NOS1: variants seen among roughly 807,000 people sequenced by gnomAD.
The protein encoded by NOS1 is NOS type I.
In NOS1, 51 loss-of-function variants were observed where a neutral mutation model predicts 164.5. The ratio of observed to expected loss-of-function variants is 0.31; its 90% CI spans 0.25 to 0.39. NOS1 has a LOEUF of 0.39. NOS1 is among the 10% of genes least tolerant of loss of function. The probability of loss-of-function intolerance (pLI) is 1.00; values close to 1 mark genes in which losing one functional copy is unlikely to be tolerated. For synonymous variants in NOS1, 719 were observed against 745.8 expected, an observed-to-expected ratio of 0.96 and a Z score of 0.59; for missense variants, 1,362 against 1,885.6, an observed-to-expected ratio of 0.72 and a Z score of 5.14.
intron 1 of NOS1, among the ~76,000 whole-genome samples, chr12:117,340,507 ATAGT>A (rs1376022871): frequency 1.3e-5 from 2 of 151,984 alleles, no homozygotes; most frequent in African/African-American, 2.4e-5. Context: ...CAAAGAGATA[ATAGT>A]TAATGTTTTC....
chr12:117,230,016 C>T (rs969693351), intron 22 of NOS1, among the ~76,000 whole-genome samples: 1 of 152,234 alleles, frequency 6.6e-6, no homozygotes, highest in African/African-American at 2.4e-5. Flanking sequence ...AACTCCTGGG[C>T]TCAAGTGATC....
chr12:117,218,841 T>C (rs560250316), intron 27 of NOS1, among the ~76,000 whole-genome samples: 10 of 152,144 alleles, frequency 6.6e-5, no homozygotes, highest in African/African-American at 2.4e-4. Context: ...GGCAAGAGGA[T>C]CAAACAAAGA....
At chr12:117,302,241 AC>A (rs1873861359) in intron 3 of NOS1, among the ~76,000 whole-genome samples, 1 of 152,126 alleles carries the variant, frequency 6.6e-6, no homozygotes, top group Non-Finnish European at 1.5e-5. Flanking sequence ...CATCCTCCCC[AC>A]AACTTGATGA....
chr12:117,263,718 G>A (rs935329130), intron 13 of NOS1, among the ~76,000 whole-genome samples, 171 bp downstream of exon 13: 12 of 151,770 alleles, frequency 7.9e-5, no homozygotes, highest in African/African-American at 2.7e-4. Flanking sequence ...GAGTTGGAAC[G>A]ACATTCACAG....
At chr12:117,321,925 C>T (rs1475526759) in intron 2 of NOS1, among the ~76,000 whole-genome samples, 9 of 149,578 alleles carry the variant, frequency 6.0e-5, no homozygotes, top group African/African-American at 2.0e-4. Context: ...TCCCTCCCTC[C>T]TTCCTTCCCT....
rs1872872446 is a variant in NOS1, at chr12:117,272,559, C to T, written c.1665G>A (p.Lys555=). The T allele has an allele frequency of 1.2e-6, 2 of 1,613,038 alleles. No individual in the cohort carries two copies. Among genetic ancestry groups the T allele is most frequent in the Admixed American group, 1.7e-5 (1 of 59,696 alleles). The change falls in exon 10 of 29, where the codon AAG becomes AAA. Residue 555 remains lysine (K), a splice_region_variant and synonymous_variant. Coordinates refer to ENST00000317775, the MANE Select transcript of NOS1 (RefSeq NM_000620.5). The surrounding 1 kb of genome is among the most constrained non-coding windows in gnomAD (Gnocchi z 4.3). ...GCCCCAGGTCCTTGAACCACTCAAA[C>T]CTGCAGGGAGCAACAGGGCCCAGCT... is the stretch of plus-strand genomic sequence containing the variant. The part of the protein sequence containing the change: ...LVLEVPIRHP[K]FEWFKDLGLK...
At position 117,337,105 on chromosome 12, in the gene NOS1, T is replaced by TA. The variant is rs1566082162; in HGVS notation, c.-420-5617_-420-5616insT. ...GCCACTGTACCCAGCTGCTTTTTAC[T>TA]CTTTTTTTTTTTTTTTTTTTTTTTT... On this transcript the variant is annotated intron_variant, in intron 1 of 28. Coordinates refer to ENST00000317775, the MANE Select transcript of NOS1 (RefSeq NM_000620.5). 5.6e-4 allele frequency among the ~76,000 whole-genome samples: 62 copies of TA among 110,852 alleles called. 5 individuals carry two copies. The highest frequency in any genetic ancestry group is 1.6e-3 in the South Asian group (5 of 3,062). 72.7% of individuals were successfully genotyped at this position (110,852 alleles called of 152,430 possible). A position where few individuals can be genotyped will look rare whatever the true frequency, so the allele number is the denominator to read the frequency against.
At position 117,211,700 on chromosome 12, in the gene NOS1, A is replaced by G; in HGVS notation, c.*3609T>C. On this transcript the variant is annotated 3_prime_UTR_variant, in exon 29 of 29. Coordinates refer to ENST00000317775, the MANE Select transcript of NOS1 (RefSeq NM_000620.5). The stretch of plus-strand genomic sequence containing the variant: ...CAACTCTTACCTTCCAGAAGCTACC[A>G]GTGAAATCCCGCCCATTTCTCAAAC... 1 of 985,504 alleles carries G rather than the reference A, an allele frequency of 1.0e-6. No homozygotes were observed. The highest frequency in any genetic ancestry group is 1.2e-6 in the Non-Finnish European group (1 of 830,016). The allele number at this position is 985,504 out of a possible 1,614,324, so 61.0% of individuals were successfully genotyped here.
intron 3 of NOS1, among the ~76,000 whole-genome samples, chr12:117,310,342 A>G (rs1874368455): frequency 6.6e-6 from 1 of 152,248 alleles, no homozygotes; most frequent in Admixed American, 6.5e-5. Context: ...AAATTACAGG[A>G]TGATCACAGA....
rs35484983 is a variant in NOS1 at position 117,356,504 on chromosome 12, T to A, written c.-421+5008A>T. 6.6e-6 allele frequency among the ~76,000 whole-genome samples: 1 copy of A among 152,134 alleles called. No individual in the cohort carries two copies. The highest frequency in any genetic ancestry group is 1.5e-5 in the Non-Finnish European group (1 of 68,028). On this transcript the variant is annotated intron_variant, in intron 1 of 28. Transcript: ENST00000317775. This position sits in a 1 kb window ranked among gnomAD's most constrained non-coding sequence, Gnocchi z 4.2. ...GAAACTTCACGCCAGGTACAGGGTT[T>A]GTCTGGTGCTCACCGCTTAGCCAGA...
intron 25 of NOS1, 100 bp downstream of exon 25, chr12:117,224,916 G>A (rs753895034): frequency 1.1e-5 from 16 of 1,497,354 alleles, no homozygotes; most frequent in East Asian, 4.5e-5. Context: ...CGGTGATGCC[G>A]TGGAGAGACA....
intron 5 of NOS1, 138 bp from the exon 6 acceptor site, chr12:117,286,404 G>A (rs1477321710): frequency 3.4e-6 from 3 of 873,798 alleles, no homozygotes; most frequent in Non-Finnish European, 5.3e-6. Context: ...TTTGATTTCT[G>A]GATGCAAGAT....
At position 117,323,285 on chromosome 12, in the gene NOS1, C is replaced by T. The variant is rs571421952; in HGVS notation, c.725+7060G>A. Among the ~76,000 whole-genome samples, 18 of 152,334 alleles carry T rather than the reference C, an allele frequency of 1.2e-4. No individual in the cohort carries two copies. In the East Asian group the frequency reaches 3.1e-3, roughly 26 times the overall value. On this transcript the variant is annotated intron_variant, in intron 2 of 28. Transcript: ENST00000317775. ...GGCATCCCTCAGGGTGACCTGCATT[C>T]GCTACAACAGGCCAGGGGCACCTTC...
intron 16 of NOS1, among the ~76,000 whole-genome samples, chr12:117,256,454 T>A (rs921054939): frequency 2.0e-5 from 3 of 151,726 alleles, no homozygotes; most frequent in Admixed American, 6.6e-5. Context: ...AATTTTTATG[T>A]TTTTAGTAGA....
intron 1 of NOS1, among the ~76,000 whole-genome samples, chr12:117,347,295 A>AG (rs1259359176): frequency 2.1e-5 from 2 of 97,310 alleles, no homozygotes; most frequent in Non-Finnish European, 4.6e-5. Flanking sequence ...TCTCAAAACA[A>AG]GGAAAAAAAA....
At chr12:117,238,231 G>A (rs1869881944) in intron 20 of NOS1, among the ~76,000 whole-genome samples, 2 of 151,900 alleles carry the variant, frequency 1.3e-5, no homozygotes, top group Non-Finnish European at 2.9e-5. Context: ...TCAATTTATG[G>A]TTTTAAAAGA....
chr12:117,269,739 T>G (rs1379743341), intron 10 of NOS1, among the ~76,000 whole-genome samples: 1 of 152,174 alleles, frequency 6.6e-6, no homozygotes, highest in Non-Finnish European at 1.5e-5. Flanking sequence ...GTGCTGGGAT[T>G]ACAGGCGTGA....
In NOS1 at chr12:117,242,571, C is replaced by T. The variant is rs950740476; in HGVS notation, c.3041+56G>A. 7.8e-6 allele frequency: 11 copies of T among 1,411,658 alleles called. No individual in the cohort carries two copies. In the African/African-American group the frequency reaches 1.1e-4, roughly 15 times the overall value. 87.4% of individuals were successfully genotyped at this position (1,411,658 alleles called of 1,614,324 possible). A position where few individuals can be genotyped will look rare whatever the true frequency, so the allele number is the denominator to read the frequency against. ...GGAGTCCACAGGGCTTGTCCTTCAT[C>T]GTGGGTGGCATTTGGGAGAAGACGT... On this transcript the variant is annotated intron_variant, in intron 20 of 28. Coordinates refer to ENST00000317775, the MANE Select transcript of NOS1 (RefSeq NM_000620.5).
rs769211402 is a variant in NOS1 at position 117,265,429 on chromosome 12, C to T, written c.2023G>A (p.Gly675Arg). 1.9e-6 allele frequency: 3 copies of T among 1,590,836 alleles called. No homozygotes were observed. Among genetic ancestry groups the T allele is most frequent in the Non-Finnish European group, 2.6e-6 (3 of 1,169,172 alleles). ...CACACCCAGTCGGCAGGGCAGCCCC[C>T]CCGGCAGCGGTACTCATTCTCCATG... is the stretch of plus-strand genomic sequence containing the variant. ...KHMENEYRCR[G>R]GCPADWVWIV... Residue 675 changes from glycine to arginine, a missense_variant, in exon 12 of 29, where the codon GGG (glycine) becomes AGG (arginine). Gly to Arg is a moderately radical substitution (Grantham distance 125). Transcript: ENST00000317775.
Sources: gnomAD v4.1 joint callset for allele counts (sites outside exome capture counted in the v4.1 genomes callset) on GRCh38, gnomAD v4.1.1 for gene constraint, Gnocchi (gnomAD v3.1) non-coding constraint, MANE v1.5 for transcripts, NCBI Gene and HGNC (gene_info 2026-07-23, HGNC 2026-07-21) for gene names.